HS6ST3: variants seen among roughly 807,000 people sequenced by gnomAD.
HS6ST3 encodes the protein heparan-sulfate 6-O-sulfotransferase 3.
In HS6ST3, 12 loss-of-function variants were observed where a neutral mutation model predicts 36.7. The observed-to-expected ratio is 0.33, with a 90% CI of 0.21 to 0.53. The LOEUF is 0.53. HS6ST3 is among the 20% of genes least tolerant of loss of function. HS6ST3 has a pLI of 0.95. For missense variants in HS6ST3, 584 were observed against 640.9 expected, an observed-to-expected ratio of 0.91 and a Z score of 0.96; for synonymous variants, 240 against 257.5, an observed-to-expected ratio of 0.93 and a Z score of 0.65.
chr13:96,335,465 C>A (rs1319855840), intron 1 of HS6ST3, among the ~76,000 whole-genome samples: 1 of 152,170 alleles, frequency 6.6e-6, no homozygotes, highest in Non-Finnish European at 1.5e-5. Context: ...AGCACAGTAT[C>A]TTGTCTTAAG....
intron 1 of HS6ST3, among the ~76,000 whole-genome samples, chr13:96,688,485 C>T (rs1874850812): frequency 6.6e-6 from 1 of 152,012 alleles, no homozygotes; most frequent in Admixed American, 6.6e-5. Flanking sequence ...TTTCTTCCTT[C>T]TGCTTTTAAT....
intron 1 of HS6ST3, among the ~76,000 whole-genome samples, chr13:96,658,565 G>A (rs1006609681): frequency 1.7e-5 from 2 of 120,470 alleles, no homozygotes; most frequent in Non-Finnish European, 3.4e-5. Flanking sequence ...TTACAGGCAT[G>A]AGCCACCATG....
chr13:96,216,608 C>A (rs2054427525), intron 1 of HS6ST3, among the ~76,000 whole-genome samples: 1 of 152,138 alleles, frequency 6.6e-6, no homozygotes, highest in African/African-American at 2.4e-5. Context: ...TACTTCAGAT[C>A]ATTCTTTGGC....
intron 1 of HS6ST3, among the ~76,000 whole-genome samples, chr13:96,217,070 T>C (rs551535969): frequency 8.5e-4 from 129 of 152,260 alleles, no homozygotes; most frequent in African/African-American, 3.0e-3. Context: ...CATCTCCTTC[T>C]TCGATCCAAT....
At chr13:96,406,687 G>T (rs541260249) in intron 1 of HS6ST3, among the ~76,000 whole-genome samples, 1 of 152,168 alleles carries the variant, frequency 6.6e-6, no homozygotes, top group Non-Finnish European at 1.5e-5. Flanking sequence ...ATGTAAAAGA[G>T]CAACAGTGGC....
intron 1 of HS6ST3, among the ~76,000 whole-genome samples, chr13:96,433,017 A>G (rs2055623448): frequency 6.6e-6 from 1 of 152,212 alleles, no homozygotes; most frequent in African/African-American, 2.4e-5. Context: ...TATTTGGCTA[A>G]TAAATAGTAA....
At chr13:96,424,756 A>C (rs1299783023) in intron 1 of HS6ST3, among the ~76,000 whole-genome samples, 3 of 152,140 alleles carry the variant, frequency 2.0e-5, no homozygotes, top group African/African-American at 7.2e-5. Context: ...AAATACCATT[A>C]CACTGCACAT....
At chr13:96,131,502 A>C (rs937232806) in intron 1 of HS6ST3, among the ~76,000 whole-genome samples, 1 of 152,188 alleles carries the variant, frequency 6.6e-6, no homozygotes, top group African/African-American at 2.4e-5. Context: ...GGAATGACTA[A>C]ATAAATCTAA....
intron 1 of HS6ST3, among the ~76,000 whole-genome samples, chr13:96,155,052 G>A (rs2054103976): frequency 6.6e-6 from 1 of 152,124 alleles, no homozygotes; most frequent in East Asian, 1.9e-4. Context: ...TATGGAAATG[G>A]TTAAGTTAAT....
At chr13:96,136,282 G>A (rs1416946477) in intron 1 of HS6ST3, among the ~76,000 whole-genome samples, 1 of 152,108 alleles carries the variant, frequency 6.6e-6, no homozygotes, top group Non-Finnish European at 1.5e-5. Context: ...TTGAGACTGG[G>A]TAATTTATAA....
At chr13:96,378,380 C>T (rs2055324728) in intron 1 of HS6ST3, among the ~76,000 whole-genome samples, 1 of 152,098 alleles carries the variant, frequency 6.6e-6, no homozygotes, top group Admixed American at 6.6e-5. Context: ...TTCCCTGAGG[C>T]TTGTAGAGGG....
At chr13:96,651,183 C>T (rs1485426864) in intron 1 of HS6ST3, among the ~76,000 whole-genome samples, 1 of 152,042 alleles carries the variant, frequency 6.6e-6, no homozygotes, top group African/African-American at 2.4e-5. Context: ...ATTTATTGAG[C>T]TCCTACTATA....
intron 1 of HS6ST3, among the ~76,000 whole-genome samples, chr13:96,520,230 C>A (rs141403752): frequency 0.057 from 8,624 of 152,210 alleles, 283 homozygotes; most frequent in Middle Eastern, 0.088. Context: ...GTTTTGGTAC[C>A]AGTACCATGC....
intron 1 of HS6ST3, among the ~76,000 whole-genome samples, chr13:96,161,017 A>G (rs1401297330): frequency 6.6e-6 from 1 of 152,198 alleles, no homozygotes; most frequent in Non-Finnish European, 1.5e-5. Flanking sequence ...TAACTCCTTA[A>G]TTCCTTGAAA....
intron 1 of HS6ST3, among the ~76,000 whole-genome samples, chr13:96,258,972 C>T (rs1203817796): frequency 2.6e-5 from 4 of 152,010 alleles, no homozygotes; most frequent in African/African-American, 4.8e-5. Flanking sequence ...CTGGGGAGAG[C>T]TTCACAGAAG....
intron 1 of HS6ST3, among the ~76,000 whole-genome samples, chr13:96,151,340 G>T (rs995146038): frequency 1.3e-5 from 2 of 151,202 alleles, no homozygotes; most frequent in Admixed American, 6.6e-5. Flanking sequence ...GGAGGTGGAG[G>T]TTGCAGTGAG....
At chr13:96,464,225 A>G (rs534921991) in intron 1 of HS6ST3, among the ~76,000 whole-genome samples, 1 of 149,612 alleles carries the variant, frequency 6.7e-6, no homozygotes, top group East Asian at 2.0e-4. Context: ...CCTCATCATG[A>G]TGATTGCTTC....
At chr13:96,564,986 C>G (rs1012293452) in intron 1 of HS6ST3, among the ~76,000 whole-genome samples, 5 of 152,026 alleles carry the variant, frequency 3.3e-5, no homozygotes, top group Admixed American at 2.0e-4. Context: ...GATCAGAGAC[C>G]ATGGTGACAT....
intron 1 of HS6ST3, among the ~76,000 whole-genome samples, chr13:96,318,056 A>C (rs188012585): frequency 6.6e-6 from 1 of 152,182 alleles, no homozygotes; most frequent in African/African-American, 2.4e-5. Flanking sequence ...TAGTTTAATT[A>C]GGTTCTACTT....
Sources: allele counts gnomAD v4.1 joint callset (sites outside exome capture counted in the v4.1 genomes callset), GRCh38; gene constraint gnomAD v4.1.1; transcripts MANE v1.5; gene names NCBI Gene and HGNC (gene_info 2026-07-23, HGNC 2026-07-21).